KCNMB2: variants seen among roughly 807,000 people sequenced by gnomAD.
The protein encoded by KCNMB2 is potassium calcium-activated channel subfamily M regulatory beta subunit 2, also known as calcium-activated potassium channel subunit beta-2.
In KCNMB2, 9 loss-of-function variants were observed where a neutral mutation model predicts 24.5. The ratio of observed to expected loss-of-function variants is 0.37; its 90% confidence interval spans 0.22 to 0.64. KCNMB2 has a LOEUF of 0.64. Among genes scored for constraint, KCNMB2 ranks in the 30% least tolerant of loss-of-function variants. The pLI is 0.63. For missense variants in KCNMB2, 226 were observed against 284.3 expected (o/e 0.79, Z 1.47); for synonymous variants, 109 against 104.4 (o/e 1.04, Z -0.27).
At chr3:178,614,288 T>TAC (rs1718617216) in intron 1 of KCNMB2, among the ~76,000 whole-genome samples, 2 of 115,972 alleles carry the variant, frequency 1.7e-5, no homozygotes, top group African/African-American at 6.4e-5. Flanking sequence ...TATATATATA[T>TAC]ATATATATGT....
intron 2 of KCNMB2, among the ~76,000 whole-genome samples, chr3:178,824,977 C>T (rs543665925): frequency 5.9e-4 from 90 of 152,270 alleles, no homozygotes; most frequent in African/African-American, 2.0e-3. Context: ...CTAACTCAAT[C>T]GAAAGTTTTC....
chr3:178,807,862 TTAA>T (rs1385662052), intron 2 of KCNMB2, among the ~76,000 whole-genome samples: 2 of 151,874 alleles, frequency 1.3e-5, no homozygotes, highest in South Asian at 2.1e-4. Context: ...ACCAAATGTA[TTAA>T]TAATAATTTA....
At chr3:178,560,628 C>T (rs778562149) in intron 1 of KCNMB2, among the ~76,000 whole-genome samples, 50 of 152,092 alleles carry the variant, frequency 3.3e-4, no homozygotes, top group Middle Eastern at 3.4e-3. Context: ...CTAAATGTAG[C>T]GAGATAATTG....
At chr3:178,554,530 G>A (rs960694480) in intron 1 of KCNMB2, among the ~76,000 whole-genome samples, 4 of 152,138 alleles carry the variant, frequency 2.6e-5, no homozygotes, top group Non-Finnish European at 4.4e-5. Context: ...TATTAGAAAT[G>A]TCAATTCCTT....
chr3:178,668,524 A>G (rs1211104241), intron 1 of KCNMB2, among the ~76,000 whole-genome samples: 1 of 152,134 alleles, frequency 6.6e-6, no homozygotes, highest in Non-Finnish European at 1.5e-5. Context: ...AAGTGAGGTT[A>G]GATAGAGGTA....
chr3:178,626,271 A>T (rs1158283397), intron 1 of KCNMB2, among the ~76,000 whole-genome samples: 1 of 152,230 alleles, frequency 6.6e-6, no homozygotes, highest in Non-Finnish European at 1.5e-5. Flanking sequence ...GTTATTTAAC[A>T]TTTCTGAGCA....
intron 1 of KCNMB2, among the ~76,000 whole-genome samples, chr3:178,588,278 G>A (rs528625592): frequency 6.6e-6 from 1 of 152,222 alleles, no homozygotes; most frequent in South Asian, 2.1e-4. Flanking sequence ...GAGGTTAAAA[G>A]CTCTGTCACC....
Position 178,768,199 on chromosome 3 carries a change from A to C in KCNMB2, c.-67-39144A>C, listed in dbSNP as rs185866137. On this transcript the variant is annotated intron_variant, in intron 1 of 4. Coordinates refer to ENST00000452583, the MANE Select transcript of KCNMB2 (RefSeq NM_181361.3). ...TGATGTCTGGGCCATCTGCTGCCCC[A>C]CTGCTGTGGCAGCATCTCCTTCTAA... Among the ~76,000 whole-genome samples, 194 of 152,188 alleles carry C rather than the reference A, an allele frequency of 1.3e-3. 1 individual carries two copies. Among genetic ancestry groups the C allele is most frequent in the South Asian group, 0.011 (52 of 4,826 alleles).
intron 1 of KCNMB2, among the ~76,000 whole-genome samples, chr3:178,570,700 G>A (rs1049671146): frequency 2.6e-5 from 4 of 151,946 alleles, no homozygotes; most frequent in African/African-American, 9.7e-5. Context: ...GGAGCAGAAG[G>A]CACCAGCTAA....
chr3:178,572,301 GA>G (rs1716832201), intron 1 of KCNMB2, among the ~76,000 whole-genome samples: 1 of 152,130 alleles, frequency 6.6e-6, no homozygotes, highest in South Asian at 2.1e-4. Flanking sequence ...TCCATACATA[GA>G]ATGCATGACT....
intron 1 of KCNMB2, among the ~76,000 whole-genome samples, chr3:178,546,492 G>A (rs573620362): frequency 5.3e-5 from 8 of 152,290 alleles, no homozygotes; most frequent in Admixed American, 5.2e-4. Context: ...TAAAAAGGAA[G>A]CTACTTACTT....
chr3:178,691,136 C>T (rs1341083521), intron 1 of KCNMB2, among the ~76,000 whole-genome samples: 4 of 32,872 alleles, frequency 1.2e-4, no homozygotes, highest in Admixed American at 3.1e-4. Flanking sequence ...TTGATAGAGA[C>T]GGGGTTTCAC....
chr3:178,588,315 C>G (rs1356092165), intron 1 of KCNMB2, among the ~76,000 whole-genome samples: 1 of 152,008 alleles, frequency 6.6e-6, no homozygotes, highest in Non-Finnish European at 1.5e-5. Context: ...GCAAAAGAGT[C>G]CTATTAGTGT....
At chr3:178,701,328 G>C (rs1007030987) in intron 1 of KCNMB2, among the ~76,000 whole-genome samples, 2 of 152,072 alleles carry the variant, frequency 1.3e-5, no homozygotes, top group Non-Finnish European at 2.9e-5. Flanking sequence ...CTCTGTTTTG[G>C]TACCAGTACC....
At chr3:178,809,258 C>T (rs1167750538) in intron 2 of KCNMB2, among the ~76,000 whole-genome samples, 1 of 152,168 alleles carries the variant, frequency 6.6e-6, no homozygotes, top group Non-Finnish European at 1.5e-5. Context: ...GCCAGCTGTC[C>T]TGAAATTCTG....
intron 1 of KCNMB2, among the ~76,000 whole-genome samples, chr3:178,589,113 A>G (rs547273784): frequency 6.6e-6 from 1 of 152,342 alleles, no homozygotes; most frequent in South Asian, 2.1e-4. Flanking sequence ...GTTTATCTAA[A>G]TAGAAAATTA....
chr3:178,558,279 G>A (rs547451244), intron 1 of KCNMB2, among the ~76,000 whole-genome samples: 130 of 152,268 alleles, frequency 8.5e-4, no homozygotes, highest in African/African-American at 2.8e-3. Flanking sequence ...AAAGGCAAAA[G>A]GAAAACTTGC....
intron 1 of KCNMB2, among the ~76,000 whole-genome samples, chr3:178,650,980 T>C (rs941617774): frequency 1.3e-5 from 2 of 152,164 alleles, no homozygotes; most frequent in African/African-American, 4.8e-5. Context: ...GCTGGAAGCA[T>C]TCCCTTTGAA....
At chr3:178,557,816 CACCATTTAAATTATG>C (rs1716176385) in intron 1 of KCNMB2, among the ~76,000 whole-genome samples, 1 of 152,102 alleles carries the variant, frequency 6.6e-6, no homozygotes, top group Non-Finnish European at 1.5e-5. Context: ...TTATCTCACC[CACCATTTAAATTATG>C]AGTAAACTAG....
Sources: allele counts gnomAD v4.1 joint callset (sites outside exome capture counted in the v4.1 genomes callset), GRCh38; gene constraint gnomAD v4.1.1; transcripts MANE v1.5; gene names NCBI Gene and HGNC (gene_info 2026-07-23, HGNC 2026-07-21).